Variants in POLR3B observed in about 807,000 individuals in gnomAD.
POLR3B encodes the protein DNA-directed RNA polymerase III subunit RPC2.
Under a neutral mutation model 147.4 loss-of-function variants are expected in POLR3B, and 96 were observed. The observed-to-expected ratio is 0.65, with a 90% confidence interval of 0.55 to 0.77. The LOEUF is 0.77. POLR3B is among the 30% of genes least tolerant of loss of function. The pLI, the probability that POLR3B is intolerant of heterozygous loss-of-function variation, is 0.00. For synonymous variants in POLR3B, 461 were observed against 485.9 expected (o/e 0.95, Z 0.67); for missense variants, 1,036 against 1,413.5 (o/e 0.73, Z 4.28).
intron 21 of POLR3B, 105 bp from the exon 22 acceptor site, chr12:106,459,146 C>T: frequency 1.3e-6 from 1 of 756,242 alleles, no homozygotes; most frequent in South Asian, 1.4e-5. Context: ...ACCGCAGCCT[C>T]CTGAGTTGTT....
At chr12:106,468,872 A>G (rs2038046399) in intron 23 of POLR3B, among the ~76,000 whole-genome samples, 1 of 152,108 alleles carries the variant, frequency 6.6e-6, no homozygotes, top group Non-Finnish European at 1.5e-5. Flanking sequence ...TTATGGGTCA[A>G]TTTTAGAATA....
At chr12:106,370,180 T>C (rs1311745582) in intron 6 of POLR3B, among the ~76,000 whole-genome samples, 5 of 152,188 alleles carry the variant, frequency 3.3e-5, no homozygotes, top group Admixed American at 6.5e-5. Context: ...ACCCACAATA[T>C]TGTGTGGTCA....
chr12:106,365,678 G>A (rs11112949), intron 2 of POLR3B, among the ~76,000 whole-genome samples: 35,098 of 151,794 alleles, frequency 0.23, 4,421 homozygotes, highest in African/African-American at 0.31. Context: ...GGCCAACATG[G>A]TGTAACCCCG....
At chr12:106,400,127 G>T (rs570045328) in intron 10 of POLR3B, among the ~76,000 whole-genome samples, 1 of 152,264 alleles carries the variant, frequency 6.6e-6, no homozygotes, top group African/African-American at 2.4e-5. Flanking sequence ...CAAAATAAAG[G>T]GATGGAGGAA....
intron 23 of POLR3B, among the ~76,000 whole-genome samples, chr12:106,489,809 C>G (rs2038384937): frequency 6.6e-6 from 1 of 152,210 alleles, no homozygotes; most frequent in Admixed American, 6.5e-5. Flanking sequence ...AAAATCCTCT[C>G]TGCAAGTCCA....
At chr12:106,455,072 A>G (rs1236724846) in intron 20 of POLR3B, among the ~76,000 whole-genome samples, 1 of 152,232 alleles carries the variant, frequency 6.6e-6, no homozygotes, top group Non-Finnish European at 1.5e-5. Context: ...ATTAACAACA[A>G]ACCTGTTTGA....
chr12:106,452,744 A>G (rs1011936189), intron 19 of POLR3B, among the ~76,000 whole-genome samples: 2 of 152,196 alleles, frequency 1.3e-5, no homozygotes, highest in Non-Finnish European at 2.9e-5. Flanking sequence ...CACTAAAATA[A>G]CATAAATCAA....
At position 106,506,869 on chromosome 12, in the gene POLR3B, A is replaced by G. The variant is rs142116463; in HGVS notation, c.3273-2551A>G. Among the ~76,000 whole-genome samples the G allele has an allele frequency of 1.1e-3, 167 of 152,244 alleles. 1 individual carries two copies. The highest frequency in any genetic ancestry group is 3.7e-3 in the African/African-American group (153 of 41,534). On this transcript the variant is annotated intron_variant, in intron 27 of 27. Coordinates refer to ENST00000228347, the MANE Select transcript of POLR3B (RefSeq NM_018082.6). The stretch of plus-strand genomic sequence containing the variant: ...GCGTAATGATGCTGTCATTTTTCCC[A>G]TCATTACCTGATCATGTGTGCTGGG...
intron 5 of POLR3B, 102 bp downstream of exon 5, chr12:106,369,452 A>G (rs1376247821): frequency 1.1e-5 from 10 of 950,802 alleles, no homozygotes; most frequent in Admixed American, 6.8e-5. Context: ...ATGGGGGGGG[A>G]CATTCTTTGG....
At chr12:106,448,451 T>TTTTTTTG (rs2037753341) in intron 19 of POLR3B, among the ~76,000 whole-genome samples, 1 of 136,266 alleles carries the variant, frequency 7.3e-6, no homozygotes, top group East Asian at 2.0e-4. Context: ...TTTTTTTTTT[T>TTTTTTTG]TTTTTGAGAT....
intron 27 of POLR3B, among the ~76,000 whole-genome samples, chr12:106,505,791 A>G (rs991309178): frequency 2.6e-5 from 4 of 152,070 alleles, no homozygotes; most frequent in African/African-American, 9.7e-5. Flanking sequence ...CCTTTTCCCC[A>G]TTGAGTCCCC....
intron 21 of POLR3B, among the ~76,000 whole-genome samples, chr12:106,457,643 C>A (rs1213718344): frequency 6.6e-6 from 1 of 152,132 alleles, no homozygotes; most frequent in East Asian, 1.9e-4. Flanking sequence ...AGAATTTTAT[C>A]CCCCTGCAAA....
chr12:106,367,688 A>G (rs2036552907), intron 4 of POLR3B, among the ~76,000 whole-genome samples: 1 of 152,194 alleles, frequency 6.6e-6, no homozygotes, highest in South Asian at 2.1e-4. Flanking sequence ...AGATGCCAAT[A>G]TATTTTATTA....
At chr12:106,393,797 CACACACA>C (rs2036946890) in intron 10 of POLR3B, among the ~76,000 whole-genome samples, 4 of 151,716 alleles carry the variant, frequency 2.6e-5, no homozygotes, top group African/African-American at 9.7e-5. Context: ...CACACACACA[CACACACA>C]CCCCATAGTA....
chr12:106,496,801 G>T lies in POLR3B; in HGVS notation c.2867G>T (p.Gly956Val). The T allele has an allele frequency of 6.2e-7, 1 of 1,614,134 alleles. No homozygotes were observed. The highest frequency in any genetic ancestry group is 8.5e-7 in the Non-Finnish European group (1 of 1,180,008). ...LLAGKAGVLD[G>V]RFHYGTAFGG... ...GCTGGCAAGGCCGGTGTGCTGGACG[G>T]CAGATTCCACTACGGCACTGCGTTT... Residue 956 changes from glycine to valine, a missense_variant, in exon 25 of 28, where the codon GGC becomes GTC. Gly to Val is a moderately radical substitution (Grantham distance 109, BLOSUM62 -3). This residue lies in a region of POLR3B where 88 missense variants were observed against 87.5 expected (regional missense o/e 1.01). Coordinates refer to ENST00000228347, the MANE Select transcript of POLR3B (RefSeq NM_018082.6).
At chr12:106,497,033 G>C in intron 25 of POLR3B, 115 bp downstream of exon 25, 1 of 1,041,316 alleles carries the variant, frequency 9.6e-7, no homozygotes, top group East Asian at 2.5e-5. Flanking sequence ...TGTACAGCCC[G>C]TGGGCGGCAT....
intron 1 of POLR3B, among the ~76,000 whole-genome samples, chr12:106,362,352 A>C (rs1288390349): frequency 2.6e-5 from 4 of 152,282 alleles, no homozygotes; most frequent in Non-Finnish European, 4.4e-5. Context: ...ATTAGCTCAT[A>C]GGGCTGCCGT....
chr12:106,447,417 C>T (rs570644090), intron 19 of POLR3B, among the ~76,000 whole-genome samples: 65 of 152,202 alleles, frequency 4.3e-4, no homozygotes, highest in Non-Finnish European at 8.8e-5. Flanking sequence ...AAATCTTAGG[C>T]GCTTTATTAA....
intron 21 of POLR3B, among the ~76,000 whole-genome samples, chr12:106,457,533 A>G (rs1248428472): frequency 1.3e-5 from 2 of 152,200 alleles, no homozygotes; most frequent in Admixed American, 1.3e-4. Context: ...ATAATTTTGA[A>G]TAATAGAAAA....
Sources: gnomAD v4.1 joint callset for allele counts (sites outside exome capture counted in the v4.1 genomes callset) on GRCh38, gnomAD v4.1.1 for gene constraint, gnomAD v4.1.1 regional missense constraint, MANE v1.5 for transcripts, NCBI Gene and HGNC (gene_info 2026-07-23, HGNC 2026-07-21) for gene names.